The following KCNMA1 variants were observed in gnomAD, a reference collection of about 807,000 sequenced individuals.
KCNMA1 encodes Calcium-activated potassium channel subunit alpha-1.
Under a neutral mutation model 140.0 loss-of-function variants are expected in KCNMA1, and 29 were observed. The ratio of observed to expected loss-of-function variants is 0.21; its 90% confidence interval spans 0.15 to 0.28. The LOEUF is 0.28. Among genes scored for constraint, KCNMA1 ranks in the 10% least tolerant of loss-of-function variants. KCNMA1 has a pLI of 1.00. For missense variants in KCNMA1, 880 were observed against 1,602.2 expected, an observed-to-expected ratio of 0.55 and a Z score of 7.70; for synonymous variants, 612 against 611.9, an observed-to-expected ratio of 1.00 and a Z score of 0.00.
At chr10:76,990,437 T>C (rs1222446979) in intron 19 of KCNMA1, among the ~76,000 whole-genome samples, 4 of 152,194 alleles carry the variant, frequency 2.6e-5, no homozygotes, top group African/African-American at 7.2e-5. Context: ...TCCCCTAACA[T>C]AGAGAGGAGG....
At chr10:76,890,502 C>A (rs912406361) in intron 26 of KCNMA1, among the ~76,000 whole-genome samples, 4 of 152,224 alleles carry the variant, frequency 2.6e-5, no homozygotes, top group Admixed American at 6.5e-5. Context: ...GAGCCACTAG[C>A]TATGAAAATT....
At chr10:77,574,972 G>A (rs1157695285) in intron 1 of KCNMA1, among the ~76,000 whole-genome samples, 2 of 152,212 alleles carry the variant, frequency 1.3e-5, no homozygotes, top group Non-Finnish European at 2.9e-5. Flanking sequence ...TGGGACCACA[G>A]ATCGTACCAC....
At chr10:77,223,915 G>A (rs149453285) in intron 3 of KCNMA1, among the ~76,000 whole-genome samples, 1 of 152,270 alleles carries the variant, frequency 6.6e-6, no homozygotes, top group East Asian at 1.9e-4. Context: ...CAACTGCCAC[G>A]AGAGAAGTTC....
chr10:77,297,824 T>G lies in KCNMA1; in HGVS notation c.541-46568A>C, dbSNP rs562944319. Among the ~76,000 whole-genome samples the G allele has an allele frequency of 3.9e-5, 6 of 152,288 alleles. No homozygotes were observed. The South Asian group carries it at 1.2e-3, about 32-fold the overall frequency. The stretch of plus-strand genomic sequence containing the variant: ...CATGACAGGAGTGGAGAAGGGAAGA[T>G]GTCTTTAATTTCCTGGTTAATTTCT... On this transcript the variant is annotated intron_variant, in intron 2 of 27. Transcript: ENST00000286628.
intron 1 of KCNMA1, among the ~76,000 whole-genome samples, chr10:77,499,581 C>T (rs2043151613): frequency 6.6e-6 from 1 of 151,974 alleles, no homozygotes; most frequent in Non-Finnish European, 1.5e-5. Flanking sequence ...TCTGATGTCT[C>T]CTCTGCAAAA....
At chr10:77,570,655 T>C (rs543836865) in intron 1 of KCNMA1, among the ~76,000 whole-genome samples, 8 of 148,214 alleles carry the variant, frequency 5.4e-5, no homozygotes, top group Non-Finnish European at 1.2e-4. Context: ...AGTTAGTGGG[T>C]GCAGCGCACC....
At chr10:76,931,303 T>TA (rs769637288) in intron 23 of KCNMA1, among the ~76,000 whole-genome samples, 1 of 152,092 alleles carries the variant, frequency 6.6e-6, no homozygotes, top group Non-Finnish European at 1.5e-5. Flanking sequence ...TTGTCAGTTG[T>TA]ATTTCAATAA....
At chr10:77,330,947 A>G (rs2086148812) in intron 2 of KCNMA1, among the ~76,000 whole-genome samples, 1 of 152,188 alleles carries the variant, frequency 6.6e-6, no homozygotes, top group South Asian at 2.1e-4. Flanking sequence ...TTTGGCACAG[A>G]GATGGGATTA....
intron 13 of KCNMA1, among the ~76,000 whole-genome samples, chr10:77,078,310 T>G (rs935597383): frequency 6.6e-6 from 1 of 152,140 alleles, no homozygotes; most frequent in Admixed American, 6.5e-5. Context: ...CTGCATCAAA[T>G]GGAGAAAGGT....
intron 5 of KCNMA1, among the ~76,000 whole-genome samples, chr10:77,178,007 A>C (rs1187279511): frequency 1.3e-5 from 2 of 152,138 alleles, no homozygotes; most frequent in African/African-American, 4.8e-5. Context: ...AAAAAGGACT[A>C]TTTTGGGCAT....
Position 77,637,421 on chromosome 10 carries a change from G to A in KCNMA1, c.222C>T (p.Thr74=). 1 of 1,613,788 alleles carries A rather than the reference G, an allele frequency of 6.2e-7. No individual in the cohort carries two copies. Among genetic ancestry groups the A allele is most frequent in the South Asian group, 1.1e-5 (1 of 90,936 alleles). ...CCCGGCTGTCGCACGGCACCTCCAT[G>A]GTCACCGGGATGATGAGCGCATCCA... ...PKMDALIIPV[T]MEVPCDSRGQ... Residue 74 remains threonine, a synonymous_variant, in exon 1 of 28, where the codon ACC becomes ACT. Transcript: ENST00000286628.
intron 5 of KCNMA1, among the ~76,000 whole-genome samples, chr10:77,157,936 C>G (rs1201361559): frequency 6.6e-6 from 1 of 152,152 alleles, no homozygotes; most frequent in Non-Finnish European, 1.5e-5. Flanking sequence ...GCCTCCTTTC[C>G]CACAGCTTCT....
At chr10:76,956,844 C>T (rs192075253) in intron 20 of KCNMA1, among the ~76,000 whole-genome samples, 3 of 152,084 alleles carry the variant, frequency 2.0e-5, no homozygotes, top group East Asian at 1.9e-4. Flanking sequence ...GCATTTGGGC[C>T]GGGCGTGGTG....
At chr10:76,936,840 A>C (rs2060688887) in intron 23 of KCNMA1, among the ~76,000 whole-genome samples, 1 of 152,134 alleles carries the variant, frequency 6.6e-6, no homozygotes, top group African/African-American at 2.4e-5. Flanking sequence ...GCTCACCCCA[A>C]TGCCGTCCGC....
At chr10:77,432,385 T>C (rs1312247863) in intron 1 of KCNMA1, among the ~76,000 whole-genome samples, 1 of 152,256 alleles carries the variant, frequency 6.6e-6, no homozygotes, top group African/African-American at 2.4e-5. Context: ...GCAGTCATCC[T>C]GCTTCTCTTA....
chr10:77,392,955 ATTTCC>A (rs1322180552), intron 2 of KCNMA1, among the ~76,000 whole-genome samples: 5 of 152,150 alleles, frequency 3.3e-5, no homozygotes, highest in Non-Finnish European at 7.3e-5. Flanking sequence ...CTGCCAAGGC[ATTTCC>A]TGTGACACAT....
At chr10:77,030,994 G>A (rs1400682145) in intron 15 of KCNMA1, among the ~76,000 whole-genome samples, 1 of 152,210 alleles carries the variant, frequency 6.6e-6, no homozygotes, top group Non-Finnish European at 1.5e-5. Context: ...TCAGACTCAA[G>A]CCCTTCAAGA....
intron 20 of KCNMA1, among the ~76,000 whole-genome samples, chr10:76,956,192 C>T (rs2068216892): frequency 6.6e-6 from 1 of 152,144 alleles, no homozygotes; most frequent in Admixed American, 6.5e-5. Context: ...CTACAACTTT[C>T]ATCCAGAAAA....
chr10:77,517,301 C>T (rs952371363), intron 1 of KCNMA1, among the ~76,000 whole-genome samples: 26 of 152,264 alleles, frequency 1.7e-4, no homozygotes, highest in African/African-American at 5.8e-4. Flanking sequence ...CAGCAGTAAC[C>T]GGGCAGGCAA....
Sources: gnomAD v4.1 joint callset for allele counts (sites outside exome capture counted in the v4.1 genomes callset) on GRCh38, gnomAD v4.1.1 for gene constraint, MANE v1.5 for transcripts, NCBI Gene and HGNC (gene_info 2026-07-23, HGNC 2026-07-21) for gene names.